The following CLPSL2 variants were observed in gnomAD, a reference collection of about 807,000 sequenced individuals.
The protein encoded by CLPSL2 is colipase like 2.
Under a neutral mutation model 7.9 loss-of-function variants are expected in CLPSL2, and 4 were observed. The ratio of observed to expected loss-of-function variants is 0.50; its 90% confidence interval spans 0.25 to 1.15. CLPSL2 has a LOEUF of 1.15. Ranked by LOEUF, CLPSL2 falls within the 50% of genes most tolerant of loss-of-function variation. The pLI is 0.15. For synonymous variants in CLPSL2, 67 were observed against 53.1 expected (o/e 1.26, Z -1.14); for missense variants, 132 against 136.6 (o/e 0.97, Z 0.17).
Position 35,777,487 on chromosome 6 carries a change from C to G in CLPSL2, c.113C>G (p.Ser38Cys). 1 of 1,613,828 alleles carries G rather than the reference C, an allele frequency of 6.2e-7. No homozygotes were observed. The highest frequency in any genetic ancestry group is 8.5e-7 in the Non-Finnish European group (1 of 1,179,800). The change falls in exon 2 of 3, where the codon TCT (serine) becomes TGT (cysteine). Residue 38 changes from serine to cysteine, a missense_variant. Ser to Cys is a moderately radical substitution (Grantham distance 112, BLOSUM62 -1). Transcript: ENST00000403376. The stretch of plus-strand genomic sequence containing the variant: ...ATCACAGACAGGTGCTTCCACCACT[C>G]TGAGTGCTACAGTGGCTGCTGCCTC... ...KKITDRCFHH[S>C]ECYSGCCLMD...
At chr6:35,777,942 T>A in intron 2 of CLPSL2, 1 of 716,600 alleles carries the variant, frequency 1.4e-6, no homozygotes, top group Admixed American at 2.0e-5. Flanking sequence ...AGGTGCTCAA[T>A]AAATGCTTAT....
At chr6:35,777,824 G>A (rs775532585) in intron 2 of CLPSL2, 1 of 717,544 alleles carries the variant, frequency 1.4e-6, no homozygotes, top group South Asian at 1.5e-5. Flanking sequence ...TCCCTAACTG[G>A]CCATGTCTTT....
In CLPSL2 at chr6:35,776,944, C is replaced by T. The variant is rs529766282; in HGVS notation, c.84+242C>T. ...GCACCCTCGCTCCCTCCACCTCCCCCGCCCGTGCCCCTTCCGATGGCCTCA... is the reference window on the plus strand; with the variant it reads ...GCACCCTCGCTCCCTCCACCTCCCCTGCCCGTGCCCCTTCCGATGGCCTCA... On this transcript the variant is annotated intron_variant, in intron 1 of 2. Transcript: ENST00000403376. 4 of 432,676 alleles carry T rather than the reference C, an allele frequency of 9.2e-6. No homozygotes were observed. In the South Asian group the frequency reaches 1.5e-4, roughly 16 times the overall value. 26.8% of individuals were successfully genotyped at this position (432,676 alleles called of 1,614,324 possible). A position where few individuals can be genotyped will look rare whatever the true frequency, so the allele number is the denominator to read the frequency against.
chr6:35,777,356 C>A, intron 1 of CLPSL2, 103 bp from the exon 2 acceptor site: 1 of 1,361,582 alleles, frequency 7.3e-7, no homozygotes. Context: ...ATGACTTCTC[C>A]TGGATCCCTG....
chr6:35,777,058 C>G (rs556844111), intron 1 of CLPSL2, among the ~76,000 whole-genome samples: 1 of 152,104 alleles, frequency 6.6e-6, no homozygotes, highest in Non-Finnish European at 1.5e-5. Context: ...CACCTCCTCT[C>G]ACTGTCTAGT....
At chr6:35,777,043 T>A (rs1767851021) in intron 1 of CLPSL2, among the ~76,000 whole-genome samples, 2 of 152,028 alleles carry the variant, frequency 1.3e-5, no homozygotes, top group Non-Finnish European at 2.9e-5. Flanking sequence ...CTCCTCCTCT[T>A]CTTCCACCTC....
chr6:35,776,737 G>A (rs1227603378), intron 1 of CLPSL2, 35 bp downstream of exon 1: 3 of 1,354,554 alleles, frequency 2.2e-6, no homozygotes. Flanking sequence ...GGCCGCGACC[G>A]CAGGAGAGGG....
At chr6:35,777,621 A>G (rs1212173022) in intron 2 of CLPSL2, 40 bp downstream of exon 2, 1 of 1,587,308 alleles carries the variant, frequency 6.3e-7, no homozygotes, top group African/African-American at 1.4e-5. Context: ...CAAGTAGAGA[A>G]GCGGGCAGGG....
rs975424856 is a variant in CLPSL2, at chr6:35,776,641, T to C, written c.23T>C (p.Val8Ala). ...CCCATGGCCGCAGCCCTGGCGCTCG[T>C]GGCGGGGGTCCTGTCGGGGGCGGTG... MAAALAL[V>A]AGVLSGAVLP... The change falls in exon 1 of 3, where the codon GTG (valine) becomes GCG (alanine). Residue 8 changes from valine to alanine, a missense_variant. Transcript: ENST00000403376. The C allele has an allele frequency of 2.0e-6, 3 of 1,497,288 alleles. No individual in the cohort carries two copies. The highest frequency in any genetic ancestry group is 2.7e-6 in the Non-Finnish European group (3 of 1,130,778). 92.8% of individuals were successfully genotyped at this position (1,497,288 alleles called of 1,614,324 possible).
intron 2 of CLPSL2, 76 bp downstream of exon 2, chr6:35,777,657 C>T: frequency 6.8e-7 from 1 of 1,472,618 alleles, no homozygotes; most frequent in South Asian, 1.3e-5. Flanking sequence ...CACCTGGCCC[C>T]ACCTGTTTTT....
chr6:35,779,417 C>T lies in CLPSL2; in HGVS notation c.270C>T (p.Asp90=). 1 of 1,581,740 alleles carries T rather than the reference C, an allele frequency of 6.3e-7. No individual in the cohort carries two copies. Residue 90 remains aspartate (D), a synonymous_variant, in exon 3 of 3, where the codon GAC becomes GAT. Transcript: ENST00000403376. ...CRMGLTCISK[D]LMCSRRCHMI ...TGGGCTTGACGTGCATATCCAAGGA[C>T]TTGATGTGTTCCCGCCGGTGCCATA...
At position 35,777,489 on chromosome 6, in the gene CLPSL2, GAGTGCTAC is replaced by G. The variant is rs1767865131; in HGVS notation, c.120_127del (p.Cys40TrpfsTer86). On this transcript the variant is annotated frameshift_variant, in exon 2 of 3. Transcript: ENST00000403376. LOFTEE classifies it high-confidence loss of function. ...CACAGACAGGTGCTTCCACCACTCT[GAGTGCTAC>G]AGTGGCTGCTGCCTCATGGACTTGG... 3.1e-6 allele frequency: 5 copies of G among 1,613,782 alleles called. No homozygotes were observed. Among genetic ancestry groups the G allele is most frequent in the Non-Finnish European group, 4.2e-6 (5 of 1,179,794 alleles).
At chr6:35,779,255 A>T in intron 2 of CLPSL2, 100 bp from the exon 3 acceptor site, 1 of 924,352 alleles carries the variant, frequency 1.1e-6, no homozygotes, top group Non-Finnish European at 1.6e-6. Context: ...GGTCTGTCTT[A>T]CTCCAGGCCT....
chr6:35,776,952 C>T (rs1767849320), intron 1 of CLPSL2: 1 of 433,022 alleles, frequency 2.3e-6, no homozygotes. Flanking sequence ...CCCGCCCGTG[C>T]CCCTTCCGAT....
chr6:35,777,935 T>C (rs957164404), intron 2 of CLPSL2: 6 of 716,694 alleles, frequency 8.4e-6, no homozygotes, highest in Middle Eastern at 3.2e-4. Flanking sequence ...ACATAGTAGG[T>C]GCTCAATAAA....
At chr6:35,777,825 C>A (rs569627952) in intron 2 of CLPSL2, 5 of 717,626 alleles carry the variant, frequency 7.0e-6, no homozygotes, top group African/African-American at 1.7e-5. Context: ...CCCTAACTGG[C>A]CATGTCTTTT....
At chr6:35,778,353 G>T (rs919607138) in intron 2 of CLPSL2, among the ~76,000 whole-genome samples, 3 of 152,234 alleles carry the variant, frequency 2.0e-5, no homozygotes, top group African/African-American at 4.8e-5. Context: ...CCATCTCCCT[G>T]CCACAGTGAC....
At chr6:35,776,794 G>C in intron 1 of CLPSL2, 92 bp downstream of exon 1, 1 of 1,180,970 alleles carries the variant, frequency 8.5e-7, no homozygotes, top group Non-Finnish European at 1.1e-6. Flanking sequence ...CGGGCAGCCT[G>C]AAAGGGAGAG....
chr6:35,777,416 G>A (rs368613983), intron 1 of CLPSL2, 43 bp from the exon 2 acceptor site: 1 of 1,605,522 alleles, frequency 6.2e-7, no homozygotes, highest in South Asian at 1.1e-5. Context: ...ACACGACTCA[G>A]GGATTGCTCC....
Sources: allele counts gnomAD v4.1 joint callset (sites outside exome capture counted in the v4.1 genomes callset), GRCh38; gene constraint gnomAD v4.1.1; transcripts MANE v1.5; gene names NCBI Gene and HGNC (gene_info 2026-07-23, HGNC 2026-07-21).